Variants in LNX1 observed in about 807,000 individuals in gnomAD.
LNX1 encodes the protein E3 ubiquitin-protein ligase LNX.
Under a neutral mutation model 68.4 loss-of-function variants are expected in LNX1, and 54 were observed. The observed-to-expected ratio is 0.79, with a 90% CI of 0.63 to 0.99. The LOEUF is 0.99. Ranked by LOEUF, LNX1 falls within the 50% of genes least tolerant of loss-of-function variation. The pLI is 0.00. For missense variants in LNX1, 906 were observed against 926.4 expected, an observed-to-expected ratio of 0.98 and a Z score of 0.29; for synonymous variants, 336 against 350.0, an observed-to-expected ratio of 0.96 and a Z score of 0.45.
intron 1 of LNX1, among the ~76,000 whole-genome samples, chr4:53,582,584 A>G (rs573809692): frequency 1.3e-5 from 2 of 152,240 alleles, no homozygotes; most frequent in African/African-American, 2.4e-5. Flanking sequence ...AGTTATTCAA[A>G]ATATTTTACT....
chr4:53,632,742 T>A (rs1378986689), intron 1 of LNX1, among the ~76,000 whole-genome samples: 5 of 152,220 alleles, frequency 3.3e-5, no homozygotes, highest in African/African-American at 1.2e-4. Flanking sequence ...GGAATTATAT[T>A]GGGATCTGTA....
At chr4:53,500,080 T>A (rs1725365235) in intron 4 of LNX1, 1 of 151,330 alleles carries the variant, frequency 6.6e-6, no homozygotes, top group Admixed American at 6.6e-5. Flanking sequence ...AGAAGGGGAG[T>A]GAAGTAACTG....
intron 2 of LNX1, among the ~76,000 whole-genome samples, chr4:53,517,994 T>TTC (rs1726920175): frequency 6.6e-6 from 1 of 152,146 alleles, no homozygotes. Flanking sequence ...AGCCCCTTTC[T>TTC]TCTGCCTCCA....
intron 1 of LNX1, among the ~76,000 whole-genome samples, chr4:53,586,386 C>T (rs569668597): frequency 2.6e-5 from 4 of 152,212 alleles, no homozygotes; most frequent in Non-Finnish European, 5.9e-5. Flanking sequence ...ACCTCCCCAT[C>T]ATGCATGTGC....
intron 2 of LNX1, among the ~76,000 whole-genome samples, chr4:53,554,895 C>A (rs898805916): frequency 1.3e-5 from 2 of 151,622 alleles, no homozygotes; most frequent in African/African-American, 4.9e-5. Context: ...AGGCATTTGA[C>A]TTTGAGAAAC....
intron 1 of LNX1, among the ~76,000 whole-genome samples, chr4:53,646,952 G>A (rs1734909502): frequency 6.6e-6 from 1 of 152,214 alleles, no homozygotes; most frequent in Non-Finnish European, 1.5e-5. Flanking sequence ...GTTTAGAAGT[G>A]GAGGAAGCTG....
intron 6 of LNX1, among the ~76,000 whole-genome samples, chr4:53,485,484 G>A (rs1047682343): frequency 2.6e-5 from 4 of 152,170 alleles, no homozygotes; most frequent in African/African-American, 2.4e-5. Context: ...ATTTCTCACT[G>A]GATTTTCAAA....
intron 4 of LNX1, among the ~76,000 whole-genome samples, chr4:53,503,296 T>A (rs1725636972): frequency 6.6e-6 from 1 of 152,238 alleles, no homozygotes; most frequent in South Asian, 2.1e-4. Context: ...CAATTTTCCT[T>A]GCCCAGATCC....
chr4:53,598,271 T>A (rs1386594179), intron 2 of LNX1, among the ~76,000 whole-genome samples: 1 of 152,068 alleles, frequency 6.6e-6, no homozygotes, highest in Non-Finnish European at 1.5e-5. Context: ...CTTGCTTTGT[T>A]GCCCAGGCTG....
chr4:53,472,254 G>A lies in LNX1; in HGVS notation c.1892+4499C>T, dbSNP rs539385339. Among the ~76,000 whole-genome samples the A allele has an allele frequency of 9.2e-3, 1,406 of 152,006 alleles. 20 individuals are homozygous for A. The highest frequency in any genetic ancestry group is 0.032 in the African/African-American group (1,342 of 41,418). On this transcript the variant is annotated intron_variant, in intron 9 of 10. Coordinates refer to ENST00000263925, the MANE Select transcript of LNX1 (RefSeq NM_001126328.3). ...TTGCAAGGACAAAAAACCAAATACTGCATATTCTCACTCATAGGTGGGAAT... is the reference window on the plus strand; with the variant it reads ...TTGCAAGGACAAAAAACCAAATACTACATATTCTCACTCATAGGTGGGAAT...
chr4:53,477,026 C>T, intron 8 of LNX1, 45 bp from the exon 9 acceptor site: 1 of 1,513,420 alleles, frequency 6.6e-7, no homozygotes, highest in Non-Finnish European at 9.1e-7. Context: ...AGAGCACAAA[C>T]AGGGACTTCT....
At chr4:53,618,581 C>T (rs1733760132), upstream of LNX1, among the ~76,000 whole-genome samples, 1 of 152,162 alleles carries the variant, frequency 6.6e-6, no homozygotes, top group Non-Finnish European at 1.5e-5. Flanking sequence ...AAACACCCAT[C>T]TCACTAACCC....
chr4:53,498,287 T>C (rs1725215071), intron 5 of LNX1, among the ~76,000 whole-genome samples: 1 of 152,044 alleles, frequency 6.6e-6, no homozygotes, highest in Non-Finnish European at 1.5e-5. Flanking sequence ...TTTATATTAA[T>C]GCTCTTTAAA....
chr4:53,617,821 T>C (rs1733735202), upstream of LNX1, among the ~76,000 whole-genome samples: 1 of 152,218 alleles, frequency 6.6e-6, no homozygotes, highest in Admixed American at 6.5e-5. Context: ...TTATTTCTGA[T>C]TGGATGATAA....
At chr4:53,567,540 G>C (rs1240172411) in intron 2 of LNX1, among the ~76,000 whole-genome samples, 1 of 152,210 alleles carries the variant, frequency 6.6e-6, no homozygotes, top group African/African-American at 2.4e-5. Context: ...ACAAGAGAAA[G>C]CAGGAAAGAT....
intron 1 of LNX1, among the ~76,000 whole-genome samples, chr4:53,635,507 C>A (rs1158149824): frequency 6.6e-6 from 1 of 151,792 alleles, no homozygotes. Context: ...AGAATGAGTC[C>A]ATTTGGTATT....
chr4:53,573,781 G>A lies in LNX1; in HGVS notation c.222C>T (p.Phe74=). The A allele has an allele frequency of 6.2e-7, 1 of 1,612,400 alleles. No individual in the cohort carries two copies. The highest frequency in any genetic ancestry group is 8.5e-7 in the Non-Finnish European group (1 of 1,179,260). Residue 74 remains phenylalanine, a synonymous_variant, in exon 2 of 11, where the codon TTC becomes TTT. Transcript: ENST00000263925. Reference sequence around the variant, plus strand: ...CCAGAGGCTTGCGGTCCATGGGACAGAAGTCCTTCTCCACCAGGAAGTTGG... The same window carrying A: ...CCAGAGGCTTGCGGTCCATGGGACAAAAGTCCTTCTCCACCAGGAAGTTGG... The part of the protein sequence containing the change: ...CLTNFLVEKD[F]CPMDRKPLVL...
At chr4:53,519,678 C>A (rs974908541) in intron 2 of LNX1, among the ~76,000 whole-genome samples, 1 of 152,110 alleles carries the variant, frequency 6.6e-6, no homozygotes, top group Non-Finnish European at 1.5e-5. Flanking sequence ...CACACATGCG[C>A]GCACATGCAC....
At chr4:53,595,017 T>C (rs1432557718), upstream of LNX1, among the ~76,000 whole-genome samples, 1 of 152,174 alleles carries the variant, frequency 6.6e-6, no homozygotes, top group Admixed American at 6.5e-5. Context: ...CCCTTTTCTA[T>C]CTCTAGTTGG....
Sources: gnomAD v4.1 joint callset for allele counts (sites outside exome capture counted in the v4.1 genomes callset) on GRCh38, gnomAD v4.1.1 for gene constraint, MANE v1.5 for transcripts, NCBI Gene and HGNC (gene_info 2026-07-23, HGNC 2026-07-21) for gene names.